The following CLNK variants were observed in gnomAD, a reference collection of about 807,000 sequenced individuals.
CLNK encodes cytokine-dependent hematopoietic cell linker.
Under a neutral mutation model 68.6 loss-of-function variants are expected in CLNK, and 74 were observed. The ratio of observed to expected loss-of-function variants is 1.08; its 90% CI spans 0.89 to 1.31. The LOEUF is 1.31. CLNK is among the 50% of genes most tolerant of loss of function. The pLI is 0.00. For synonymous variants in CLNK, 198 were observed against 172.2 expected, an observed-to-expected ratio of 1.15 and a Z score of -1.17; for missense variants, 553 against 515.3, an observed-to-expected ratio of 1.07 and a Z score of -0.71.
At chr4:10,650,962 C>T (rs1286721436) in intron 2 of CLNK, among the ~76,000 whole-genome samples, 1 of 152,176 alleles carries the variant, frequency 6.6e-6, no homozygotes, top group Non-Finnish European at 1.5e-5. Context: ...CTCATCATCA[C>T]TGGTCCTTAG....
At chr4:10,665,524 C>G (rs1232860728) in intron 2 of CLNK, among the ~76,000 whole-genome samples, 1 of 151,932 alleles carries the variant, frequency 6.6e-6, no homozygotes, top group Non-Finnish European at 1.5e-5. Flanking sequence ...ATTAGCCAGG[C>G]ATGGTGGTAG....
intron 15 of CLNK, among the ~76,000 whole-genome samples, chr4:10,517,774 C>T (rs915787017): frequency 6.6e-6 from 1 of 152,048 alleles, no homozygotes; most frequent in Non-Finnish European, 1.5e-5. Flanking sequence ...TTTAAAAGTC[C>T]TCCTTGAAAA....
chr4:10,693,304 G>C, the CLNK span, among the ~76,000 whole-genome samples: 2 of 152,196 alleles, frequency 1.3e-5, no homozygotes, highest in Non-Finnish European at 2.9e-5. Flanking sequence ...TGGAAAAAGG[G>C]TCTTTGCAGA....
chr4:10,651,829 C>T (rs1214709126), intron 2 of CLNK, among the ~76,000 whole-genome samples: 5 of 151,690 alleles, frequency 3.3e-5, no homozygotes, highest in Admixed American at 1.3e-4. Context: ...TATCATTTAG[C>T]TATAGATGTT....
the CLNK span, among the ~76,000 whole-genome samples, chr4:10,709,965 C>T: frequency 1.3e-5 from 2 of 152,170 alleles, no homozygotes; most frequent in African/African-American, 4.8e-5. Context: ...CATAAGAACT[C>T]CCCAAGCAAC....
intron 1 of CLNK, among the ~76,000 whole-genome samples, chr4:10,679,247 C>A (rs940507193): frequency 2.0e-5 from 3 of 151,968 alleles, no homozygotes; most frequent in Non-Finnish European, 4.4e-5. Context: ...ACAAACCTGA[C>A]AAAAACAAGA....
chr4:10,732,785 G>A, the CLNK span, among the ~76,000 whole-genome samples: 21,704 of 151,718 alleles, frequency 0.14, 1,637 homozygotes, highest in South Asian at 0.24. Flanking sequence ...AGTGAGTCAG[G>A]TGTTTTTTCT....
chr4:10,565,874 G>T (rs1720088059), intron 6 of CLNK, 135 bp downstream of exon 6: 2 of 886,702 alleles, frequency 2.3e-6, no homozygotes, highest in Non-Finnish European at 1.7e-6. Flanking sequence ...CTTTCTCAAG[G>T]TCACACAGCT....
At position 10,507,436 on chromosome 4, in the gene CLNK, T is replaced by TTTTATTTA. The variant is rs113177804; in HGVS notation, c.984+515_984+522dup. Among the ~76,000 whole-genome samples, 559 of 142,900 alleles carry TTTTATTTA rather than the reference T, an allele frequency of 3.9e-3. 3 individuals carry two copies. The highest frequency in any genetic ancestry group is 7.1e-3 in the East Asian group (34 of 4,778). The allele number at this position is 142,900 out of a possible 152,430, so 93.7% of individuals were successfully genotyped here. ...CTCTCCATGTTTTTTTGTTTTCTGT[T>TTTTATTTA]TTTATTTATTTATTTATTTATTTAT... On this transcript the variant is annotated intron_variant, in intron 17 of 18. Coordinates refer to ENST00000226951, the MANE Select transcript of CLNK (RefSeq NM_052964.4).
At chr4:10,676,934 A>G (rs1231298990) in intron 1 of CLNK, among the ~76,000 whole-genome samples, 1 of 151,026 alleles carries the variant, frequency 6.6e-6, no homozygotes, top group African/African-American at 2.4e-5. Context: ...AAATCCTAAC[A>G]GATATTTTAT....
At chr4:10,624,775 G>T (rs1374952654) in intron 2 of CLNK, among the ~76,000 whole-genome samples, 1 of 151,886 alleles carries the variant, frequency 6.6e-6, no homozygotes, top group African/African-American at 2.4e-5. Flanking sequence ...TTATTCTTTT[G>T]CAGAATCTTG....
At chr4:10,719,126 T>TAAA in the CLNK span, among the ~76,000 whole-genome samples, 1 of 151,656 alleles carries the variant, frequency 6.6e-6, no homozygotes, top group Non-Finnish European at 1.5e-5. Context: ...GCAGGAAAAA[T>TAAA]AAAACAGAAA....
At chr4:10,698,165 T>A in the CLNK span, among the ~76,000 whole-genome samples, 1 of 152,218 alleles carries the variant, frequency 6.6e-6, no homozygotes, top group African/African-American at 2.4e-5. Context: ...GTCATGTGTC[T>A]GTAAATTGGA....
intron 2 of CLNK, among the ~76,000 whole-genome samples, chr4:10,633,671 T>C (rs1156923733): frequency 6.6e-6 from 1 of 152,248 alleles, no homozygotes; most frequent in Non-Finnish European, 1.5e-5. Context: ...TTCACTCATT[T>C]ATAACTGCTC....
rs116506464 is a variant in CLNK, at chr4:10,581,854, G to A, written c.112+3073C>T. On this transcript the variant is annotated intron_variant, in intron 4 of 18. Transcript: ENST00000226951. ...AGAGAATAGAGAACAGCTTCTTGGT[G>A]GGAACAGTCTGGATAGTTTTCTTCT... is the stretch of plus-strand genomic sequence containing the variant. Among the ~76,000 whole-genome samples, 264 of 152,168 alleles carry A rather than the reference G, an allele frequency of 1.7e-3. 1 individual carries two copies. Among genetic ancestry groups the A allele is most frequent in the African/African-American group, 6.0e-3 (248 of 41,516 alleles).
intron 11 of CLNK, among the ~76,000 whole-genome samples, chr4:10,537,322 A>G (rs1018429943): frequency 6.6e-6 from 1 of 152,122 alleles, no homozygotes; most frequent in Non-Finnish European, 1.5e-5. Context: ...TACTAAAAAT[A>G]TAAAAATTAG....
intron 8 of CLNK, among the ~76,000 whole-genome samples, chr4:10,549,565 A>G (rs1451250144): frequency 1.3e-5 from 2 of 152,170 alleles, no homozygotes; most frequent in Non-Finnish European, 2.9e-5. Context: ...CCCCATCTGG[A>G]GAAGTAAGGA....
chr4:10,591,138 T>G (rs144295564), intron 3 of CLNK, among the ~76,000 whole-genome samples: 9 of 152,320 alleles, frequency 5.9e-5, no homozygotes, highest in Non-Finnish European at 1.0e-4. Context: ...GCAAAGCCTG[T>G]GTCATCCTAG....
intron 2 of CLNK, among the ~76,000 whole-genome samples, chr4:10,663,470 G>A (rs1724272228): frequency 6.6e-6 from 1 of 152,054 alleles, no homozygotes; most frequent in African/African-American, 2.4e-5. Context: ...TTATAAATGA[G>A]GTGTGTGAAA....
Sources: allele counts gnomAD v4.1 joint callset (sites outside exome capture counted in the v4.1 genomes callset), GRCh38; gene constraint gnomAD v4.1.1; transcripts MANE v1.5; gene names NCBI Gene and HGNC (gene_info 2026-07-23, HGNC 2026-07-21).